ARMH4: variants seen among roughly 807,000 people sequenced by gnomAD.
ARMH4 encodes the protein armadillo like helical domain containing 4, also known as armadillo-like helical domain-containing protein 4.
Under a neutral mutation model 61.9 loss-of-function variants are expected in ARMH4, and 49 were observed. The ratio of observed to expected loss-of-function variants is 0.79; its 90% CI spans 0.63 to 1.00. The LOEUF is 1.00. Ranked by LOEUF, ARMH4 falls within the 50% of genes least tolerant of loss-of-function variation. The pLI is 0.00. For missense variants in ARMH4, 934 were observed against 930.0 expected, an observed-to-expected ratio of 1.00 and a Z score of -0.06; for synonymous variants, 368 against 341.5, an observed-to-expected ratio of 1.08 and a Z score of -0.85.
At chr14:58,017,696 T>C (rs1200730329) in intron 5 of ARMH4, among the ~76,000 whole-genome samples, 1 of 152,152 alleles carries the variant, frequency 6.6e-6, no homozygotes, top group Non-Finnish European at 1.5e-5. Context: ...TAAATGTCCA[T>C]ATAATCAAAA....
At chr14:58,021,547 T>G (rs1882830873) in intron 5 of ARMH4, among the ~76,000 whole-genome samples, 1 of 152,214 alleles carries the variant, frequency 6.6e-6, no homozygotes, top group Non-Finnish European at 1.5e-5. Context: ...AATGTTAATC[T>G]CATCCAGAAA....
At chr14:58,040,647 T>C (rs77282669) in intron 5 of ARMH4, among the ~76,000 whole-genome samples, 9,781 of 152,252 alleles carry the variant, frequency 0.064, 410 homozygotes, top group Middle Eastern at 0.13. Context: ...GTCTTTATGA[T>C]AGAATGATAT....
chr14:58,028,792 A>G (rs763682747), intron 5 of ARMH4, among the ~76,000 whole-genome samples: 3 of 152,206 alleles, frequency 2.0e-5, no homozygotes, highest in Non-Finnish European at 4.4e-5. Context: ...GTTGTAACGT[A>G]TCCAGCACTT....
intron 5 of ARMH4, among the ~76,000 whole-genome samples, chr14:58,016,996 A>G (rs1284195781): frequency 4.2e-4 from 64 of 152,228 alleles, no homozygotes; most frequent in Admixed American, 4.2e-3. Flanking sequence ...AGGTAGGAGA[A>G]CAAATAAAAG....
At chr14:58,044,926 C>A (rs1341676515) in intron 5 of ARMH4, among the ~76,000 whole-genome samples, 1 of 152,132 alleles carries the variant, frequency 6.6e-6, no homozygotes, top group Non-Finnish European at 1.5e-5. Context: ...CATCTCACAC[C>A]AGTTAGAATG....
chr14:58,081,026 TGA>T (rs1173689667), intron 5 of ARMH4, among the ~76,000 whole-genome samples: 1 of 151,916 alleles, frequency 6.6e-6, no homozygotes, highest in Non-Finnish European at 1.5e-5. Context: ...CACTTGAACC[TGA>T]GAGGCAGAGG....
At chr14:58,009,533 G>A (rs72714760) in intron 6 of ARMH4, among the ~76,000 whole-genome samples, 76 of 152,142 alleles carry the variant, frequency 5.0e-4, no homozygotes, top group African/African-American at 1.1e-3. Flanking sequence ...AATAGGGGCC[G>A]GGCACAGTAG....
intron 5 of ARMH4, among the ~76,000 whole-genome samples, chr14:58,044,773 AAAAC>A (rs1883870254): frequency 6.6e-6 from 1 of 151,832 alleles, no homozygotes; most frequent in South Asian, 2.1e-4. Context: ...TTACAAGAAA[AAAAC>A]AACCCCATCA....
At chr14:58,130,634 C>A (rs79028520) in intron 4 of ARMH4, among the ~76,000 whole-genome samples, 4 of 152,244 alleles carry the variant, frequency 2.6e-5, no homozygotes, top group South Asian at 2.1e-4. Flanking sequence ...GATAGGCAGC[C>A]GTGCCTCAAG....
intron 5 of ARMH4, among the ~76,000 whole-genome samples, chr14:58,046,426 C>T (rs1024271567): frequency 6.6e-6 from 1 of 152,074 alleles, no homozygotes; most frequent in Non-Finnish European, 1.5e-5. Context: ...ACAAAAATTG[C>T]CTCATTAATG....
At chr14:58,104,706 G>A (rs987638648) in intron 4 of ARMH4, among the ~76,000 whole-genome samples, 2 of 152,280 alleles carry the variant, frequency 1.3e-5, no homozygotes, top group South Asian at 2.1e-4. Context: ...GTATGTTATA[G>A]CAACTTGAAC....
At chr14:58,131,109 T>C (rs945636433) in intron 4 of ARMH4, 3 of 177,586 alleles carry the variant, frequency 1.7e-5, no homozygotes, top group African/African-American at 7.2e-5. Context: ...CTATCATAAA[T>C]GTTTCAGGCT....
intron 5 of ARMH4, among the ~76,000 whole-genome samples, chr14:58,031,326 A>C (rs1345446902): frequency 2.6e-5 from 4 of 152,232 alleles, no homozygotes; most frequent in Admixed American, 2.6e-4. Flanking sequence ...CCATCAACCA[A>C]AATGGATTTG....
At chr14:58,101,944 GGAGA>G (rs371737384) in intron 4 of ARMH4, among the ~76,000 whole-genome samples, 1 of 151,350 alleles carries the variant, frequency 6.6e-6, no homozygotes, top group East Asian at 1.9e-4. Flanking sequence ...GGTGAATGAA[GGAGA>G]GAGAGAGAGA....
chr14:58,133,691 T>C (rs962407468), intron 2 of ARMH4, among the ~76,000 whole-genome samples: 12 of 152,204 alleles, frequency 7.9e-5, no homozygotes, highest in African/African-American at 2.9e-4. Context: ...TAAGTTACAC[T>C]CAAAAACTCT....
intron 5 of ARMH4, among the ~76,000 whole-genome samples, chr14:58,038,632 A>G (rs1011995810): frequency 1.3e-5 from 2 of 152,156 alleles, no homozygotes; most frequent in African/African-American, 4.8e-5. Context: ...ACAATAGTAA[A>G]TATGTCTTTG....
chr14:58,097,788 C>T (rs1252276229), intron 4 of ARMH4, among the ~76,000 whole-genome samples: 1 of 151,888 alleles, frequency 6.6e-6, no homozygotes, highest in East Asian at 1.9e-4. Context: ...TCACCACAGT[C>T]TCAGACTCCT....
At chr14:58,055,672 C>G (rs554927367) in intron 5 of ARMH4, among the ~76,000 whole-genome samples, 1 of 152,144 alleles carries the variant, frequency 6.6e-6, no homozygotes, top group East Asian at 1.9e-4. Flanking sequence ...AGTCACCCCC[C>G]ACCCTACACC....
intron 5 of ARMH4, among the ~76,000 whole-genome samples, chr14:58,025,372 T>C (rs945772519): frequency 6.6e-6 from 1 of 152,188 alleles, no homozygotes; most frequent in Non-Finnish European, 1.5e-5. Flanking sequence ...CATTGAATTT[T>C]GAGTTATAAA....
Sources: allele counts gnomAD v4.1 joint callset (sites outside exome capture counted in the v4.1 genomes callset), GRCh38; gene constraint gnomAD v4.1.1; transcripts MANE v1.5; gene names NCBI Gene and HGNC (gene_info 2026-07-23, HGNC 2026-07-21).